The following EXOC6B variants were observed in gnomAD, a reference collection of about 807,000 sequenced individuals.
EXOC6B encodes the protein SEC15 homolog B.
A neutral mutation model predicts 113.5 loss-of-function variants in EXOC6B; 54 were observed. That is an observed-to-expected ratio of 0.48 (90% CI 0.38 to 0.60). EXOC6B has a LOEUF of 0.60. EXOC6B is among the 20% of genes least tolerant of loss of function. The pLI, the probability that EXOC6B is intolerant of heterozygous loss-of-function variation, is 0.00. For missense variants in EXOC6B, 797 were observed against 977.5 expected, an observed-to-expected ratio of 0.82 and a Z score of 2.46; for synonymous variants, 357 against 339.0, an observed-to-expected ratio of 1.05 and a Z score of -0.58.
intron 20 of EXOC6B, among the ~76,000 whole-genome samples, chr2:72,329,341 T>G (rs1275974489): frequency 6.6e-6 from 1 of 152,072 alleles, no homozygotes. Context: ...GACTGACATC[T>G]CTGACCTTTT....
intron 20 of EXOC6B, among the ~76,000 whole-genome samples, chr2:72,198,866 T>C (rs1572984492): frequency 6.6e-6 from 1 of 152,186 alleles, no homozygotes; most frequent in East Asian, 1.9e-4. Context: ...CTGGGGTGCA[T>C]GGGTCAGGAA....
chr2:72,580,135 ATTTTTT>A (rs1205164863), intron 6 of EXOC6B, among the ~76,000 whole-genome samples: 2 of 93,770 alleles, frequency 2.1e-5, no homozygotes, highest in East Asian at 5.9e-4. Flanking sequence ...AGAAATAAGA[ATTTTTT>A]TTTTTTTTTT....
At chr2:72,337,375 C>A (rs74468966) in intron 19 of EXOC6B, among the ~76,000 whole-genome samples, 1,960 of 152,242 alleles carry the variant, frequency 0.013, 51 homozygotes, top group African/African-American at 0.045. Flanking sequence ...TCAGTTCAAA[C>A]CCTACTTGTG....
intron 6 of EXOC6B, among the ~76,000 whole-genome samples, chr2:72,666,780 GAC>G (rs71404724): frequency 0.44 from 35,883 of 81,074 alleles, 5,718 homozygotes; most frequent in African/African-American, 0.5. Flanking sequence ...ATTTACAATA[GAC>G]ACACACACAC....
intron 6 of EXOC6B, among the ~76,000 whole-genome samples, chr2:72,585,554 G>A (rs557829223): frequency 2.5e-4 from 38 of 151,272 alleles, no homozygotes; most frequent in Non-Finnish European, 3.8e-4. Context: ...CCGAGATCAC[G>A]CCATTGCACT....
chr2:72,494,253 A>G (rs1699913122), intron 15 of EXOC6B, among the ~76,000 whole-genome samples: 1 of 152,064 alleles, frequency 6.6e-6, no homozygotes, highest in South Asian at 2.1e-4. Flanking sequence ...TCAACTTGTA[A>G]TGATTTATCT....
chr2:72,592,340 A>G (rs1368330518), intron 6 of EXOC6B, among the ~76,000 whole-genome samples: 3 of 152,172 alleles, frequency 2.0e-5, no homozygotes, highest in African/African-American at 2.4e-5. Context: ...AATAGACACA[A>G]AAGTCAAGTT....
chr2:72,181,657 G>A lies in EXOC6B; in HGVS notation c.2310-2196C>T, dbSNP rs538006486. On this transcript the variant is annotated intron_variant, in intron 21 of 21. Coordinates refer to ENST00000272427, the MANE Select transcript of EXOC6B (RefSeq NM_015189.3). ...GAAGCAGCTGAGAGACAGGCAGCCC[G>A]CTGGCTTTTGGCTCCCACAGGGAAG... Among the ~76,000 whole-genome samples, 21 of 152,252 alleles carry A rather than the reference G, an allele frequency of 1.4e-4. No individual in the cohort carries two copies. The South Asian group carries it at 3.1e-3, about 23-fold the overall frequency.
intron 20 of EXOC6B, among the ~76,000 whole-genome samples, chr2:72,295,181 A>G (rs1464674339): frequency 2.0e-5 from 3 of 149,654 alleles, no homozygotes; most frequent in Non-Finnish European, 4.4e-5. Context: ...CAGTGAGCCG[A>G]GATCGCACCA....
At chr2:72,248,307 G>C (rs963778103) in intron 20 of EXOC6B, among the ~76,000 whole-genome samples, 5 of 152,134 alleles carry the variant, frequency 3.3e-5, no homozygotes, top group Non-Finnish European at 7.4e-5. Context: ...TTGAAGAAGG[G>C]ATCTAGGTGT....
chr2:72,514,566 G>C (rs1021384894), intron 10 of EXOC6B, 68 bp downstream of exon 10: 1 of 256,312 alleles, frequency 3.9e-6, no homozygotes. Flanking sequence ...TATGGAAAGA[G>C]TATAAATTTC....
rs1460758766 is a variant in EXOC6B, at chr2:72,176,853, C to T, written c.*2482G>A. The T allele has an allele frequency of 6.6e-6, 1 of 152,236 alleles. No individual in the cohort carries two copies. The highest frequency in any genetic ancestry group is 2.4e-5 in the African/African-American group (1 of 41,452). The allele number at this position is 152,236 out of a possible 1,614,324, so 9.4% of individuals were successfully genotyped here. A position where few individuals can be genotyped will look rare whatever the true frequency, so the allele number is the denominator to read the frequency against. ...ATTGAGGCCCTCCACGGTACTTCTA[C>T]ATCTCTAGGTATTTGAGGCCATATC... On this transcript the variant is annotated 3_prime_UTR_variant, in exon 22 of 22. Coordinates refer to ENST00000272427, the MANE Select transcript of EXOC6B (RefSeq NM_015189.3).
At chr2:72,673,666 A>C in intron 6 of EXOC6B, among the ~76,000 whole-genome samples, 1 of 151,926 alleles carries the variant, frequency 6.6e-6, no homozygotes, top group East Asian at 1.9e-4. Flanking sequence ...TGAAACTTTC[A>C]ATTATAGGTG....
chr2:72,776,570 T>C (rs183804942), intron 1 of EXOC6B, among the ~76,000 whole-genome samples: 2 of 151,806 alleles, frequency 1.3e-5, no homozygotes, highest in African/African-American at 4.8e-5. Context: ...TGAGCTGAGA[T>C]CGTGCCATGC....
At chr2:72,310,860 C>CAT (rs1687144350) in intron 20 of EXOC6B, among the ~76,000 whole-genome samples, 1 of 127,456 alleles carries the variant, frequency 7.8e-6, no homozygotes, top group Admixed American at 7.1e-5. Context: ...AACACACACA[C>CAT]ACACACACAC....
At chr2:72,327,792 A>G (rs567609805) in intron 20 of EXOC6B, among the ~76,000 whole-genome samples, 40 of 152,222 alleles carry the variant, frequency 2.6e-4, no homozygotes, top group Non-Finnish European at 4.0e-4. Context: ...CCTCCAATCA[A>G]TTAAGGACAT....
chr2:72,574,299 T>G (rs1035932473), intron 7 of EXOC6B, among the ~76,000 whole-genome samples: 3 of 151,862 alleles, frequency 2.0e-5, no homozygotes, highest in Admixed American at 2.0e-4. Flanking sequence ...ATAATGACAA[T>G]AGAGATACAT....
chr2:72,348,085 A>T (rs998505630), intron 19 of EXOC6B, among the ~76,000 whole-genome samples: 4 of 152,186 alleles, frequency 2.6e-5, no homozygotes, highest in Non-Finnish European at 5.9e-5. Flanking sequence ...GAACTCCAAG[A>T]TCAAGGCACC....
At chr2:72,749,185 C>G (rs1681885463) in intron 1 of EXOC6B, among the ~76,000 whole-genome samples, 1 of 152,082 alleles carries the variant, frequency 6.6e-6, no homozygotes, top group Admixed American at 6.6e-5. Flanking sequence ...AAAAGTACCT[C>G]TACAGCCTGG....
Sources: allele counts gnomAD v4.1 joint callset (sites outside exome capture counted in the v4.1 genomes callset), GRCh38; gene constraint gnomAD v4.1.1; transcripts MANE v1.5; gene names NCBI Gene and HGNC (gene_info 2026-07-23, HGNC 2026-07-21).